PPEF1: variants seen among roughly 807,000 people sequenced by gnomAD.
PPEF1 encodes serine/threonine-protein phosphatase with EF-hands 1.
In PPEF1, 12 loss-of-function variants were observed where a neutral mutation model predicts 53.3. The observed-to-expected ratio is 0.23, with a 90% CI of 0.14 to 0.36. The LOEUF is 0.36. Ranked by LOEUF, PPEF1 falls within the 10% of genes least tolerant of loss-of-function variation. The pLI, the probability that PPEF1 is intolerant of heterozygous loss-of-function variation, is 1.00. For missense variants in PPEF1, 334 were observed against 490.4 expected, an observed-to-expected ratio of 0.68 and a Z score of 3.01; for synonymous variants, 165 against 176.7, an observed-to-expected ratio of 0.93 and a Z score of 0.52.
intron 10 of PPEF1, among the ~76,000 whole-genome samples, chrX:18,799,570 G>A (rs988587585): frequency 5.4e-5 from 6 of 111,574 alleles, no homozygotes; most frequent in South Asian, 3.8e-4. Context: ...ACTCTCCCTC[G>A]AAGCACACTT....
rs191569829 is a variant in PPEF1, at chrX:18,684,066, C to G, written c.-637-586C>G. Among the ~76,000 whole-genome samples, 11 of 112,356 alleles carry G rather than the reference C, an allele frequency of 9.8e-5. No individual in the cohort carries two copies. In the East Asian group the frequency reaches 3.1e-3, roughly 31 times the overall value. ...CTCTCCTGTACCATTTTGACAATGTCTTTAATTTGTCCCCCAGCTACCAAG... is the reference window on the plus strand; with the variant it reads ...CTCTCCTGTACCATTTTGACAATGTGTTTAATTTGTCCCCCAGCTACCAAG... On this transcript the variant is annotated intron_variant, in intron 1 of 21. Transcript: ENST00000361511.
upstream of PPEF1, among the ~76,000 whole-genome samples, chrX:18,679,622 C>T (rs1269709393): frequency 9.0e-6 from 1 of 111,707 alleles, no homozygotes; most frequent in Non-Finnish European, 1.9e-5. Flanking sequence ...CTTGGCCTTT[C>T]AGCTTCTGCC....
At chrX:18,760,660 T>G (rs2147504493) in intron 5 of PPEF1, among the ~76,000 whole-genome samples, 1 of 110,218 alleles carries the variant, frequency 9.1e-6, no homozygotes, top group Admixed American at 9.7e-5. Flanking sequence ...CAGGCTGGAG[T>G]GTGGTGGCAT....
chrX:18,803,398 T>G (rs1316887490), intron 10 of PPEF1, among the ~76,000 whole-genome samples: 3 of 112,779 alleles, frequency 2.7e-5, no homozygotes, highest in Non-Finnish European at 5.6e-5. Context: ...GTCACAGTGC[T>G]GCAGAGATTT....
intron 1 of PPEF1, among the ~76,000 whole-genome samples, chrX:18,708,539 T>C (rs910352757): frequency 8.9e-6 from 1 of 112,285 alleles, no homozygotes; most frequent in African/African-American, 3.2e-5. Context: ...ACAATTAATA[T>C]GAGTAATTTG....
At chrX:18,703,025 C>T (rs1215008823), upstream of PPEF1, among the ~76,000 whole-genome samples, 1 of 110,829 alleles carries the variant, frequency 9.0e-6, no homozygotes, top group African/African-American at 3.3e-5. Flanking sequence ...TAAACGCTAA[C>T]AGAGGGTGGG....
chrX:18,690,358 G>GTTTTT (rs67423941), intron 3 of PPEF1, among the ~76,000 whole-genome samples: 1 of 71,265 alleles, frequency 1.4e-5, no homozygotes, highest in Non-Finnish European at 2.7e-5. Context: ...TCTAGGACTT[G>GTTTTT]TTTTTTTTTT....
At chrX:18,774,554 A>G (rs2147558500) in intron 6 of PPEF1, among the ~76,000 whole-genome samples, 1 of 112,414 alleles carries the variant, frequency 8.9e-6, no homozygotes, top group East Asian at 2.8e-4. Context: ...TGCCTGGTAC[A>G]TAACAAGCAA....
At chrX:18,821,794 AGAGAG>A (rs1569273861) in intron 13 of PPEF1, among the ~76,000 whole-genome samples, 3 of 18,063 alleles carry the variant, frequency 1.7e-4, no homozygotes, top group Non-Finnish European at 4.5e-4. Flanking sequence ...AGAGAGAGAG[AGAGAG>A]AGAGAAAACA....
chrX:18,765,162 G>A (rs1259966869), intron 6 of PPEF1, among the ~76,000 whole-genome samples: 3 of 111,994 alleles, frequency 2.7e-5, no homozygotes, highest in African/African-American at 9.7e-5. Context: ...ATGGATTTGG[G>A]TAGAGAGGTG....
chrX:18,704,861 G>A (rs757286419), upstream of PPEF1, among the ~76,000 whole-genome samples: 5 of 111,351 alleles, frequency 4.5e-5, no homozygotes, highest in Non-Finnish European at 7.5e-5. Flanking sequence ...GACTTAATGA[G>A]GTGCAGGCTG....
intron 14 of PPEF1, 103 bp downstream of exon 14, chrX:18,824,189 C>T: frequency 6.8e-6 from 6 of 888,139 alleles, no homozygotes; most frequent in South Asian, 3.4e-5. Flanking sequence ...CGCCTGTAAT[C>T]CCAGCACTTT....
chrX:18,826,247 A>G (rs967668852), intron 15 of PPEF1, among the ~76,000 whole-genome samples: 1 of 110,562 alleles, frequency 9.0e-6, no homozygotes, highest in Non-Finnish European at 1.9e-5. Flanking sequence ...GTCCTACAGA[A>G]GCCTAGGTAG....
At chrX:18,749,088 A>G (rs2045387364) in intron 3 of PPEF1, among the ~76,000 whole-genome samples, 1 of 111,571 alleles carries the variant, frequency 9.0e-6, no homozygotes, top group Non-Finnish European at 1.9e-5. Context: ...TGACTGTTTC[A>G]TGGGCAATCT....
At chrX:18,683,561 T>C (rs766459846) in intron 1 of PPEF1, among the ~76,000 whole-genome samples, 3 of 111,874 alleles carry the variant, frequency 2.7e-5, no homozygotes, top group Non-Finnish European at 3.8e-5. Flanking sequence ...GTTGGTAACT[T>C]GACCAAGTCA....
chrX:18,681,914 C>T (rs995866203), upstream of PPEF1, among the ~76,000 whole-genome samples: 3 of 112,345 alleles, frequency 2.7e-5, no homozygotes, highest in Non-Finnish European at 5.6e-5. Context: ...TGCAGCCCAT[C>T]TGCACTGTCC....
chrX:18,692,241 C>T (rs771262272), intron 4 of PPEF1, among the ~76,000 whole-genome samples: 3 of 112,041 alleles, frequency 2.7e-5, no homozygotes, highest in Non-Finnish European at 5.6e-5. Context: ...ACTGAACTCA[C>T]GATTTTTCTC....
chrX:18,806,360 G>A, intron 11 of PPEF1, 43 bp from the exon 12 acceptor site: 1 of 1,162,977 alleles, frequency 8.6e-7, no homozygotes. Context: ...GACCTTTTGA[G>A]AACTAATGTT....
chrX:18,730,094 C>CT (rs913990726), intron 1 of PPEF1, 87 bp from the exon 2 acceptor site: 613 of 948,483 alleles, frequency 6.5e-4, no homozygotes, highest in East Asian at 8.7e-4. Context: ...AGGTGGACTG[C>CT]TTTTTTTTTC....
Sources: allele counts gnomAD v4.1 joint callset (sites outside exome capture counted in the v4.1 genomes callset), GRCh38; gene constraint gnomAD v4.1.1; transcripts MANE v1.5; gene names NCBI Gene and HGNC (gene_info 2026-07-23, HGNC 2026-07-21).